NRG3: variants seen among roughly 807,000 people sequenced by gnomAD.
NRG3 encodes the protein neuregulin 3.
A neutral mutation model predicts 66.9 loss-of-function variants in NRG3; 31 were observed. The ratio of observed to expected loss-of-function variants is 0.46; its 90% CI spans 0.35 to 0.63. The LOEUF is 0.63. NRG3 is among the 20% of genes least tolerant of loss of function. The probability of loss-of-function intolerance (pLI) is 0.00; values close to 1 mark genes in which losing one functional copy is unlikely to be tolerated. For synonymous variants in NRG3, 393 were observed against 359.4 expected (o/e 1.09, Z -1.06); for missense variants, 910 against 878.9 (o/e 1.04, Z -0.45).
intron 4 of NRG3, among the ~76,000 whole-genome samples, chr10:82,925,043 C>T (rs1314357371): frequency 2.0e-5 from 3 of 152,214 alleles, no homozygotes; most frequent in South Asian, 2.1e-4. Flanking sequence ...TTTTATGCCA[C>T]GAAAACCCTG....
At chr10:82,427,769 T>C (rs1221960799) in intron 2 of NRG3, among the ~76,000 whole-genome samples, 2 of 152,086 alleles carry the variant, frequency 1.3e-5, no homozygotes, top group Non-Finnish European at 2.9e-5. Flanking sequence ...TTTTGGAAGA[T>C]TTACAAAGGA....
At chr10:82,626,883 G>T (rs2049462145) in intron 2 of NRG3, among the ~76,000 whole-genome samples, 2 of 152,008 alleles carry the variant, frequency 1.3e-5, no homozygotes, top group African/African-American at 4.8e-5. Flanking sequence ...GTTAACATAG[G>T]TCATGCTAGT....
chr10:82,237,603 A>G (rs1432932692), intron 1 of NRG3, among the ~76,000 whole-genome samples: 2 of 152,004 alleles, frequency 1.3e-5, no homozygotes, highest in Non-Finnish European at 2.9e-5. Context: ...TGCTTAATAT[A>G]TTATTCTTGA....
chr10:82,929,923 A>G (rs971871255), intron 4 of NRG3, among the ~76,000 whole-genome samples: 3 of 152,040 alleles, frequency 2.0e-5, no homozygotes, highest in African/African-American at 4.8e-5. Context: ...TTTATAATAT[A>G]CAACACAAAG....
rs568764354 is a variant in NRG3 at position 82,282,407 on chromosome 10, G to T, written c.824-76332G>T. Among the ~76,000 whole-genome samples the T allele has an allele frequency of 2.0e-5, 3 of 152,128 alleles. No individual in the cohort carries two copies. In the South Asian group the frequency reaches 6.2e-4, roughly 32 times the overall value. On this transcript the variant is annotated intron_variant, in intron 1 of 8. Coordinates refer to ENST00000372141, the MANE Select transcript of NRG3 (RefSeq NM_001010848.4). ...TGTCTTGAAAAGTCACTTCCTTTAT[G>T]CTAGTGTAGACCCATCAGTAGTAGG...
intron 1 of NRG3, among the ~76,000 whole-genome samples, chr10:82,052,965 A>G (rs2063669352): frequency 6.6e-6 from 1 of 152,122 alleles, no homozygotes; most frequent in African/African-American, 2.4e-5. Flanking sequence ...TAATTTACCA[A>G]TGGTAGACTA....
chr10:82,012,531 CA>C (rs2061622922), intron 1 of NRG3, among the ~76,000 whole-genome samples: 2 of 152,182 alleles, frequency 1.3e-5, no homozygotes, highest in African/African-American at 4.8e-5. Context: ...TCTTTTCTAT[CA>C]CATTGTCAGG....
At chr10:82,502,141 T>A (rs1421199972) in intron 2 of NRG3, among the ~76,000 whole-genome samples, 1 of 152,190 alleles carries the variant, frequency 6.6e-6, no homozygotes, top group Non-Finnish European at 1.5e-5. Context: ...ATAACTCTGA[T>A]TGCTTTCTCT....
intron 2 of NRG3, among the ~76,000 whole-genome samples, chr10:82,531,147 A>G (rs1037034556): frequency 6.6e-6 from 1 of 151,746 alleles, no homozygotes. Context: ...TAAAGACATT[A>G]TGGTCTATAC....
chr10:82,142,888 G>A (rs945984572), intron 1 of NRG3, among the ~76,000 whole-genome samples: 2 of 148,106 alleles, frequency 1.4e-5, no homozygotes, highest in African/African-American at 5.0e-5. Flanking sequence ...CCAAGTAGCT[G>A]AGACTATGGG....
intron 4 of NRG3, among the ~76,000 whole-genome samples, chr10:82,877,838 G>T (rs1482086311): frequency 2.0e-5 from 3 of 152,130 alleles, no homozygotes; most frequent in African/African-American, 4.8e-5. Context: ...ACATAAATAG[G>T]AGTTGAGTTC....
At chr10:82,925,497 G>A (rs1000668185) in intron 4 of NRG3, among the ~76,000 whole-genome samples, 16 of 152,224 alleles carry the variant, frequency 1.1e-4, no homozygotes, top group African/African-American at 3.6e-4. Flanking sequence ...TATTCATGTT[G>A]TAGTTGTCAT....
intron 3 of NRG3, among the ~76,000 whole-genome samples, chr10:82,812,077 C>T (rs2135510316): frequency 6.6e-6 from 1 of 152,276 alleles, no homozygotes; most frequent in Admixed American, 6.5e-5. Flanking sequence ...TCCCAACAAC[C>T]AAATACATGG....
rs564320058 is a variant in NRG3, at chr10:82,641,758, G to A, written c.954-96819G>A. ...AAAAAATAACTGTTTACCAATGCAGGATGCTTGTAAATCAACTTATGATTA... is the reference window on the plus strand; with the variant it reads ...AAAAAATAACTGTTTACCAATGCAGAATGCTTGTAAATCAACTTATGATTA... On this transcript the variant is annotated intron_variant, in intron 2 of 8. Coordinates refer to ENST00000372141, the MANE Select transcript of NRG3 (RefSeq NM_001010848.4). Among the ~76,000 whole-genome samples, 31 of 152,208 alleles carry A rather than the reference G, an allele frequency of 2.0e-4. 1 individual carries two copies. The South Asian group carries it at 6.4e-3, about 32-fold the overall frequency.
chr10:82,547,173 G>A (rs1302929398), intron 2 of NRG3, among the ~76,000 whole-genome samples: 2 of 151,826 alleles, frequency 1.3e-5, no homozygotes, highest in Admixed American at 1.3e-4. Context: ...AATGTAAAAC[G>A]ATATACTATC....
intron 2 of NRG3, among the ~76,000 whole-genome samples, chr10:82,663,316 T>A (rs1227643201): frequency 6.6e-6 from 1 of 152,184 alleles, no homozygotes; most frequent in East Asian, 1.9e-4. Context: ...GCCATTGAGG[T>A]TTCCTGGGAT....
At chr10:82,766,217 T>C (rs1259071477) in intron 3 of NRG3, among the ~76,000 whole-genome samples, 2 of 152,302 alleles carry the variant, frequency 1.3e-5, no homozygotes, top group Non-Finnish European at 1.5e-5. Flanking sequence ...TTTTTACGTG[T>C]GAATGTACGA....
chr10:82,797,886 G>A (rs2060868125), intron 3 of NRG3, among the ~76,000 whole-genome samples: 1 of 151,964 alleles, frequency 6.6e-6, no homozygotes, highest in South Asian at 2.1e-4. Context: ...TTCTCAACCT[G>A]GTTTTGTTGT....
intron 1 of NRG3, among the ~76,000 whole-genome samples, chr10:82,068,087 A>G (rs1420381010): frequency 2.0e-5 from 3 of 152,200 alleles, no homozygotes; most frequent in Admixed American, 2.0e-4. Flanking sequence ...TGAGTGTGTG[A>G]GTGTAGAACA....
Sources: allele counts gnomAD v4.1 joint callset (sites outside exome capture counted in the v4.1 genomes callset), GRCh38; gene constraint gnomAD v4.1.1; transcripts MANE v1.5; gene names NCBI Gene and HGNC (gene_info 2026-07-23, HGNC 2026-07-21).